SRD5A2: variants seen among roughly 807,000 people sequenced by gnomAD.
SRD5A2 encodes the protein 3-oxo-5-alpha-steroid 4-dehydrogenase 2.
A neutral mutation model predicts 27.4 loss-of-function variants in SRD5A2; 30 were observed. The observed-to-expected ratio is 1.10, with a 90% CI of 0.82 to 1.49. The LOEUF (loss-of-function observed/expected upper bound fraction) is 1.49. Among genes scored for constraint, SRD5A2 ranks in the 40% most tolerant of loss-of-function variants. The pLI is 0.00. For missense variants in SRD5A2, 348 were observed against 323.4 expected, an observed-to-expected ratio of 1.08 and a Z score of -0.58; for synonymous variants, 141 against 133.6, an observed-to-expected ratio of 1.06 and a Z score of -0.38.
chr2:31,580,425 C>A (rs1667047928), intron 1 of SRD5A2, among the ~76,000 whole-genome samples, 195 bp downstream of exon 1: 1 of 152,180 alleles, frequency 6.6e-6, no homozygotes, highest in African/African-American at 2.4e-5. Flanking sequence ...GTGCCGCAGC[C>A]GCTTGTCAAC....
At chr2:31,660,293 T>C in the SRD5A2 span, among the ~76,000 whole-genome samples, 1 of 152,088 alleles carries the variant, frequency 6.6e-6, no homozygotes, top group East Asian at 1.9e-4. Context: ...AGAACTTTTA[T>C]AGATAGCTGG....
chr2:31,634,724 ACTCT>A, the SRD5A2 span, among the ~76,000 whole-genome samples: 1 of 151,632 alleles, frequency 6.6e-6, no homozygotes, highest in African/African-American at 2.4e-5. Flanking sequence ...CCATCAGTCT[ACTCT>A]CTATCTTCAT....
At chr2:31,660,242 G>A in the SRD5A2 span, among the ~76,000 whole-genome samples, 5 of 152,140 alleles carry the variant, frequency 3.3e-5, no homozygotes, top group African/African-American at 1.2e-4. Flanking sequence ...AAGTTCAGGA[G>A]CTTGACAATA....
At chr2:31,609,553 A>AT in the SRD5A2 span, among the ~76,000 whole-genome samples, 1 of 152,292 alleles carries the variant, frequency 6.6e-6, no homozygotes, top group East Asian at 1.9e-4. Context: ...GTACAACCAG[A>AT]TAGCTAGATG....
chr2:31,628,728 T>G, the SRD5A2 span, among the ~76,000 whole-genome samples: 1 of 152,174 alleles, frequency 6.6e-6, no homozygotes, highest in Non-Finnish European at 1.5e-5. Flanking sequence ...TTATGAAGCT[T>G]AGTTTGGCTG....
chr2:31,637,639 T>G, the SRD5A2 span, among the ~76,000 whole-genome samples: 1 of 152,032 alleles, frequency 6.6e-6, no homozygotes, highest in African/African-American at 2.4e-5. Context: ...ATCCCTAATC[T>G]GTTTATGAAG....
intron 1 of SRD5A2, among the ~76,000 whole-genome samples, chr2:31,553,205 T>A (rs1666416524): frequency 6.6e-6 from 1 of 152,082 alleles, no homozygotes; most frequent in Non-Finnish European, 1.5e-5. Flanking sequence ...CAAAGACAAG[T>A]TATTTGAAAT....
chr2:31,579,660 A>C (rs1368781095), intron 1 of SRD5A2, among the ~76,000 whole-genome samples: 1 of 152,220 alleles, frequency 6.6e-6, no homozygotes, highest in Non-Finnish European at 1.5e-5. Context: ...AGTGGACATA[A>C]TAAATATCTC....
rs148187230 is a variant in SRD5A2 at position 31,561,650 on chromosome 2, C to G, written c.281+18970G>C. 8.4e-3 allele frequency among the ~76,000 whole-genome samples: 1,271 copies of G among 152,196 alleles called. 19 individuals carry two copies. The highest frequency in any genetic ancestry group is 0.013 in the Non-Finnish European group (861 of 67,998). On this transcript the variant is annotated intron_variant, in intron 1 of 4. Coordinates refer to ENST00000622030, the MANE Select transcript of SRD5A2 (RefSeq NM_000348.4). ...CCACTCAGTATCTTTCTTCCTGCCT[C>G]TACATTAAAATAGATGTTCAATCCA...
At chr2:31,638,357 A>T in the SRD5A2 span, among the ~76,000 whole-genome samples, 1 of 152,122 alleles carries the variant, frequency 6.6e-6, no homozygotes, top group African/African-American at 2.4e-5. Context: ...GATACGGTCT[A>T]TTCTGGAGAA....
the SRD5A2 span, among the ~76,000 whole-genome samples, chr2:31,620,030 A>G: frequency 1.3e-5 from 2 of 152,134 alleles, no homozygotes; most frequent in South Asian, 4.1e-4. Context: ...TATGTCCTGA[A>G]TGGTATCGCT....
intron 1 of SRD5A2, among the ~76,000 whole-genome samples, chr2:31,564,446 T>C (rs1257877581): frequency 3.3e-5 from 5 of 151,918 alleles, no homozygotes; most frequent in South Asian, 2.1e-4. Flanking sequence ...GTAGGTCTCA[T>C]AGATATTTTC....
chr2:31,555,399 G>T (rs1666475057), intron 1 of SRD5A2, among the ~76,000 whole-genome samples: 2 of 152,034 alleles, frequency 1.3e-5, no homozygotes, highest in Non-Finnish European at 2.9e-5. Context: ...AACAGGAAGG[G>T]GTGCTATCAC....
chr2:31,612,297 A>G, the SRD5A2 span, among the ~76,000 whole-genome samples: 12 of 151,468 alleles, frequency 7.9e-5, no homozygotes, highest in East Asian at 3.9e-4. Flanking sequence ...AAAAAAAAAA[A>G]AGAGAGAGAA....
the SRD5A2 span, among the ~76,000 whole-genome samples, chr2:31,647,819 C>T: frequency 5.3e-5 from 8 of 152,082 alleles, no homozygotes; most frequent in Admixed American, 1.3e-4. Flanking sequence ...GAAGATAATG[C>T]CTCTAAAATA....
the SRD5A2 span, among the ~76,000 whole-genome samples, chr2:31,632,176 C>T: frequency 6.6e-6 from 1 of 151,890 alleles, no homozygotes; most frequent in Non-Finnish European, 1.5e-5. Context: ...TTGAACTTGG[C>T]AACCTTGGTT....
rs782140524 is a variant in SRD5A2, at chr2:31,580,792, T to C, written c.109A>G (p.Thr37Ala). 3.3e-5 allele frequency: 53 copies of C among 1,612,164 alleles called. No homozygotes were observed. Among genetic ancestry groups the C allele is most frequent in the Non-Finnish European group, 1.2e-5 (14 of 1,179,692 alleles). ...VAKPSGYGKHTESLKPAATRL... is the reference protein window; with the variant it reads ...VAKPSGYGKHAESLKPAATRL... ...GTAGCCGCCGGCTTCAGGCTCTCCG[T>C]GTGCTTCCCGTAGCCGGAGGGCTTC... is the stretch of plus-strand genomic sequence containing the variant. Residue 37 changes from threonine to alanine, a missense_variant, in exon 1 of 5, where the codon ACG becomes GCG. Physicochemically the swap from Thr to Ala is moderately conservative, Grantham distance 58 (BLOSUM62 0). Coordinates refer to ENST00000622030, the MANE Select transcript of SRD5A2 (RefSeq NM_000348.4).
rs576386747 is a variant in SRD5A2 at position 31,575,444 on chromosome 2, G to A, written c.281+5176C>T. ...GATCCAGTGTGTGAAATGCCTCATC[G>A]AAAGCCACACTGCCTATTATGAAAG... On this transcript the variant is annotated intron_variant, in intron 1 of 4. Transcript: ENST00000622030. Among the ~76,000 whole-genome samples the A allele has an allele frequency of 9.9e-5, 15 of 152,228 alleles. No homozygotes were observed. In the South Asian group the frequency reaches 2.5e-3, roughly 25 times the overall value.
intron 1 of SRD5A2, among the ~76,000 whole-genome samples, chr2:31,565,068 G>A (rs547005532): frequency 6.6e-6 from 1 of 151,886 alleles, no homozygotes; most frequent in South Asian, 2.1e-4. Context: ...TAACATAAGG[G>A]CAAGAGAGAA....
Sources: gnomAD v4.1 joint callset for allele counts (sites outside exome capture counted in the v4.1 genomes callset) on GRCh38, gnomAD v4.1.1 for gene constraint, MANE v1.5 for transcripts, NCBI Gene and HGNC (gene_info 2026-07-23, HGNC 2026-07-21) for gene names.